Variants in SAMSN1 observed in about 807,000 individuals in gnomAD.
SAMSN1 encodes the protein SAM domain-containing protein SAMSN-1.
SAMSN1 carries 31 observed loss-of-function variants against 42.0 expected under a neutral mutation model. That is an observed-to-expected ratio of 0.74 (90% CI 0.55 to 1.00). SAMSN1 has a LOEUF of 1.00. Ranked by LOEUF, SAMSN1 falls within the 50% of genes least tolerant of loss-of-function variation. The probability of loss-of-function intolerance (pLI) is 0.00; values close to 1 mark genes in which losing one functional copy is unlikely to be tolerated. For missense variants in SAMSN1, 464 were observed against 439.4 expected, an observed-to-expected ratio of 1.06 and a Z score of -0.50; for synonymous variants, 178 against 151.9, an observed-to-expected ratio of 1.17 and a Z score of -1.26.
intron 1 of SAMSN1, among the ~76,000 whole-genome samples, chr21:14,539,625 T>A (rs1979871769): frequency 6.6e-6 from 1 of 151,778 alleles, no homozygotes; most frequent in South Asian, 2.1e-4. Flanking sequence ...TACAAACCAT[T>A]GCTCAATGAA....
At chr21:14,550,081 G>A (rs1368918632), upstream of SAMSN1, among the ~76,000 whole-genome samples, 5 of 152,060 alleles carry the variant, frequency 3.3e-5, no homozygotes, top group African/African-American at 1.2e-4. Context: ...TAGTTATCTA[G>A]CTTATTCTTA....
chr21:14,544,212 A>G (rs902324140), intron 1 of SAMSN1, among the ~76,000 whole-genome samples: 46 of 152,200 alleles, frequency 3.0e-4, no homozygotes, highest in Admixed American at 6.5e-4. Flanking sequence ...CACCATGCCC[A>G]GGTAATTTTT....
intron 6 of SAMSN1, among the ~76,000 whole-genome samples, chr21:14,596,137 G>A (rs895690929): frequency 6.6e-6 from 1 of 152,032 alleles, no homozygotes; most frequent in Non-Finnish European, 1.5e-5. Flanking sequence ...CATTAATGCA[G>A]TATAACTTCG....
chr21:14,536,497 A>C (rs542998768), intron 1 of SAMSN1, among the ~76,000 whole-genome samples: 2 of 152,364 alleles, frequency 1.3e-5, no homozygotes, highest in Admixed American at 6.5e-5. Flanking sequence ...AAGTATAGCT[A>C]ATACATTTGG....
At position 14,638,207 on chromosome 21, in the gene SAMSN1, G is replaced by A. The variant is rs566265583; in HGVS notation, c.156+4795C>T. 3.3e-5 allele frequency among the ~76,000 whole-genome samples: 5 copies of A among 152,204 alleles called. No individual in the cohort carries two copies. The South Asian group carries it at 6.2e-4, about 19-fold the overall frequency. ...GGATGTGAAAGTGGAGGCCACATCC[G>A]GTAGCCATGTTAAAGGAAATGAGCA... On this transcript the variant is annotated intron_variant, in intron 2 of 15. Coordinates refer to the SAMSN1 transcript ENST00000647101.
intron 1 of SAMSN1, among the ~76,000 whole-genome samples, chr21:14,543,913 C>G (rs1367272598): frequency 6.6e-6 from 1 of 152,136 alleles, no homozygotes; most frequent in Non-Finnish European, 1.5e-5. Context: ...CCCTATATTT[C>G]AGACCAATTT....
At chr21:14,567,138 C>T (rs1031686371) in intron 2 of SAMSN1, among the ~76,000 whole-genome samples, 6 of 151,696 alleles carry the variant, frequency 4.0e-5, no homozygotes, top group Admixed American at 2.0e-4. Context: ...CTCCTAGAAC[C>T]ACAAGAAAGC....
intron 2 of SAMSN1, among the ~76,000 whole-genome samples, chr21:14,627,235 C>G (rs541223528): frequency 9.9e-5 from 15 of 151,362 alleles, no homozygotes; most frequent in Non-Finnish European, 2.1e-4. Flanking sequence ...ATGTAACAAA[C>G]CTGCACGTTG....
intron 2 of SAMSN1, among the ~76,000 whole-genome samples, chr21:14,637,655 C>A (rs1403937326): frequency 6.6e-6 from 1 of 151,794 alleles, no homozygotes; most frequent in East Asian, 1.9e-4. Context: ...GTGATTTATT[C>A]TCTAAAATAA....
intron 1 of SAMSN1, among the ~76,000 whole-genome samples, chr21:14,541,181 A>G (rs942032349): frequency 3.3e-5 from 5 of 152,052 alleles, no homozygotes; most frequent in African/African-American, 1.2e-4. Flanking sequence ...ACCTAATGTA[A>G]ATGACGAGTT....
At chr21:14,561,919 G>A (rs2123199957) in intron 2 of SAMSN1, among the ~76,000 whole-genome samples, 1 of 152,254 alleles carries the variant, frequency 6.6e-6, no homozygotes, top group African/African-American at 2.4e-5. Context: ...GAAGCTGGAA[G>A]AAACAAGGAA....
chr21:14,637,916 G>T (rs1411347594), intron 2 of SAMSN1, among the ~76,000 whole-genome samples: 2 of 152,152 alleles, frequency 1.3e-5, no homozygotes, highest in Non-Finnish European at 2.9e-5. Context: ...AGTTCCAGTG[G>T]TGAGATGGCA....
At chr21:14,624,797 T>C (rs1454367139) in intron 2 of SAMSN1, among the ~76,000 whole-genome samples, 1 of 152,212 alleles carries the variant, frequency 6.6e-6, no homozygotes, top group Non-Finnish European at 1.5e-5. Context: ...ATCATCCTGA[T>C]ACCAAAGCCG....
chr21:14,563,694 T>G (rs1212324240), intron 2 of SAMSN1, among the ~76,000 whole-genome samples: 1 of 152,176 alleles, frequency 6.6e-6, no homozygotes, highest in African/African-American at 2.4e-5. Flanking sequence ...GTTCCTATAC[T>G]TCGTGATTCA....
chr21:14,584,855 G>A (rs1369145323), upstream of SAMSN1, among the ~76,000 whole-genome samples: 1 of 152,150 alleles, frequency 6.6e-6, no homozygotes, highest in East Asian at 1.9e-4. Flanking sequence ...GAGACTATAA[G>A]CCCAAATAAA....
upstream of SAMSN1, among the ~76,000 whole-genome samples, chr21:14,551,013 A>G (rs1980577617): frequency 6.6e-6 from 1 of 152,112 alleles, no homozygotes; most frequent in African/African-American, 2.4e-5. Flanking sequence ...CAGCATTCAT[A>G]TGGACATCAA....
chr21:14,535,273 T>C (rs1158156823), intron 1 of SAMSN1, among the ~76,000 whole-genome samples: 1 of 152,214 alleles, frequency 6.6e-6, no homozygotes, highest in Non-Finnish European at 1.5e-5. Flanking sequence ...TTTTACTTTT[T>C]AGTTTTCAAA....
chr21:14,502,202 A>C (rs1431984357), intron 5 of SAMSN1, among the ~76,000 whole-genome samples: 1 of 152,178 alleles, frequency 6.6e-6, no homozygotes, highest in East Asian at 1.9e-4. Context: ...ACCATGACTG[A>C]ACTAACTGGT....
At position 14,512,567 on chromosome 21, in the gene SAMSN1, C is replaced by T. The variant is rs1308968287; in HGVS notation, c.286G>A (p.Glu96Lys). 1 of 1,613,708 alleles carries T rather than the reference C, an allele frequency of 6.2e-7. No homozygotes were observed. Among genetic ancestry groups the T allele is most frequent in the African/African-American group, 1.3e-5 (1 of 74,906 alleles). ...TATGGGTGGGCATTCTCTCCATCTT[C>T]CTCATCCTTCAGAAAACATATCAGA... ...IKALSEEKDE[E>K]DGENAHPYRN... is the part of the protein sequence containing the mutation. Residue 96 changes from glutamate (E) to lysine (K), a missense_variant, in exon 4 of 8, where the codon GAA becomes AAA. By Grantham distance (56) the Glu-to-Lys change is moderately conservative. Coordinates refer to ENST00000400566, the MANE Select transcript of SAMSN1 (RefSeq NM_022136.5).
Sources: gnomAD v4.1 joint callset for allele counts (sites outside exome capture counted in the v4.1 genomes callset) on GRCh38, gnomAD v4.1.1 for gene constraint, MANE v1.5 for transcripts, NCBI Gene and HGNC (gene_info 2026-07-23, HGNC 2026-07-21) for gene names.